The following GNL3L variants were observed in gnomAD, a reference collection of about 807,000 sequenced individuals.
GNL3L encodes the protein guanine nucleotide-binding protein-like 3-like protein.
A neutral mutation model predicts 42.9 loss-of-function variants in GNL3L; 4 were observed. The ratio of observed to expected loss-of-function variants is 0.09; its 90% confidence interval spans 0.05 to 0.21. The LOEUF (loss-of-function observed/expected upper bound fraction) is 0.21, where lower values mean the gene tolerates loss of function less well. GNL3L is among the 10% of genes least tolerant of loss of function. The probability of loss-of-function intolerance (pLI) is 1.00; values close to 1 mark genes in which losing one functional copy is unlikely to be tolerated. For synonymous variants in GNL3L, 159 were observed against 176.3 expected, an observed-to-expected ratio of 0.90 and a Z score of 0.78; for missense variants, 412 against 481.7, an observed-to-expected ratio of 0.86 and a Z score of 1.36.
downstream of GNL3L, among the ~76,000 whole-genome samples, chrX:54,570,637 T>G (rs1234132397): frequency 1.8e-5 from 2 of 111,020 alleles, no homozygotes; most frequent in Admixed American, 1.9e-4. Flanking sequence ...TCCCTTTTTC[T>G]GCCTTCTTTT....
At chrX:54,638,285 G>A in the GNL3L span, among the ~76,000 whole-genome samples, 3 of 111,115 alleles carry the variant, frequency 2.7e-5, no homozygotes, top group South Asian at 3.8e-4. Context: ...AATATACAGC[G>A]AATTAGACAC....
At position 54,548,279 on chromosome X, in the gene GNL3L, C is replaced by A. The variant is rs1409425449; in HGVS notation, c.681C>A (p.Ser227Arg). The change falls in exon 9 of 16, where the codon AGC becomes AGA. Residue 227 changes from serine (S) to arginine (R), a missense_variant. Ser to Arg is a moderately radical substitution (Grantham distance 110). Transcript: ENST00000360845. ...AGGCCTCTGAGTCACTGCTGAAAAGCAAAGCCTGCTTTGGAGCTGAAAACC... is the reference window on the plus strand; with the variant it reads ...AGGCCTCTGAGTCACTGCTGAAAAGAAAAGCCTGCTTTGGAGCTGAAAACC... The part of the protein sequence containing the change: ...VDQASESLLK[S>R]KACFGAENLM... The A allele has an allele frequency of 1.7e-6, 2 of 1,201,592 alleles. No individual in the cohort carries two copies. Among genetic ancestry groups the A allele is most frequent in the African/African-American group, 3.5e-5 (2 of 56,861 alleles).
intron 8 of GNL3L, among the ~76,000 whole-genome samples, chrX:54,546,669 G>A (rs1015571910): frequency 9.0e-6 from 1 of 111,419 alleles, no homozygotes; most frequent in African/African-American, 3.3e-5. Context: ...TTGTTGAGAT[G>A]GAGTTTCACT....
the GNL3L span, among the ~76,000 whole-genome samples, chrX:54,643,209 C>T: frequency 1.8e-5 from 2 of 111,354 alleles, no homozygotes; most frequent in Non-Finnish European, 3.8e-5. Flanking sequence ...TATGGAGTTA[C>T]CAGAATTTAT....
chrX:54,560,136 G>C (rs781423346), intron 15 of GNL3L, among the ~76,000 whole-genome samples: 1 of 111,239 alleles, frequency 9.0e-6, no homozygotes, highest in African/African-American at 3.3e-5. Context: ...CGTGGTGAAC[G>C]TTCAGGCTTA....
chrX:54,549,439 C>G (rs905466464), intron 9 of GNL3L, among the ~76,000 whole-genome samples: 3 of 112,318 alleles, frequency 2.7e-5, no homozygotes, highest in African/African-American at 9.7e-5. Context: ...TCATTCATGC[C>G]TGTAGCCCCA....
the GNL3L span, among the ~76,000 whole-genome samples, chrX:54,633,137 A>G: frequency 1.4e-3 from 154 of 111,795 alleles, no homozygotes; most frequent in Non-Finnish European, 6.6e-4. Flanking sequence ...AGCACCTGCT[A>G]CAAGTGGAGG....
intron 8 of GNL3L, among the ~76,000 whole-genome samples, chrX:54,545,514 G>A (rs952704329): frequency 9.0e-6 from 1 of 111,301 alleles, no homozygotes; most frequent in Non-Finnish European, 1.9e-5. Context: ...CCAACTACTT[G>A]TTAACTTTAA....
At chrX:54,575,886 G>T (rs894069362) in intron 16 of GNL3L, among the ~76,000 whole-genome samples, 5 of 112,133 alleles carry the variant, frequency 4.5e-5, no homozygotes, top group African/African-American at 1.6e-4. Context: ...CTCCAGCCTG[G>T]GCAACAAGAG....
chrX:54,632,587 G>A, the GNL3L span, among the ~76,000 whole-genome samples: 78 of 110,433 alleles, frequency 7.1e-4, no homozygotes, highest in Middle Eastern at 4.7e-3. Flanking sequence ...TCATTTCATC[G>A]AATGTGTCTT....
chrX:54,558,086 G>A (rs1327816034), intron 14 of GNL3L, among the ~76,000 whole-genome samples: 2 of 110,557 alleles, frequency 1.8e-5, no homozygotes, highest in African/African-American at 6.6e-5. Flanking sequence ...GTTTCATCGT[G>A]TTGGCCAGGA....
chrX:54,590,793 GATTTATTT>G (rs752558764), intron 16 of GNL3L, among the ~76,000 whole-genome samples: 3 of 109,735 alleles, frequency 2.7e-5, no homozygotes, highest in Non-Finnish European at 3.8e-5. Flanking sequence ...TTAGGTCTTA[GATTTATTT>G]ATTTATTTAT....
At chrX:54,642,602 C>T in the GNL3L span, among the ~76,000 whole-genome samples, 2 of 111,045 alleles carry the variant, frequency 1.8e-5, no homozygotes, top group African/African-American at 6.6e-5. Context: ...AATGCTTTTC[C>T]CCTTGCTTTT....
At chrX:54,543,812 CT>C (rs1924693130) in intron 7 of GNL3L, among the ~76,000 whole-genome samples, 1 of 112,032 alleles carries the variant, frequency 8.9e-6, no homozygotes, top group South Asian at 3.7e-4. Flanking sequence ...TGATAAAATG[CT>C]TGGTACATGG....
At chrX:54,541,997 C>T (rs1347310870) in intron 5 of GNL3L, among the ~76,000 whole-genome samples, 2 of 111,715 alleles carry the variant, frequency 1.8e-5, no homozygotes, top group Admixed American at 9.5e-5. Context: ...CACATAGGCG[C>T]ACACATGAAC....
At chrX:54,596,766 GAC>G (rs767202157) in intron 16 of GNL3L, among the ~76,000 whole-genome samples, 2 of 111,888 alleles carry the variant, frequency 1.8e-5, no homozygotes, top group Non-Finnish European at 3.8e-5. Flanking sequence ...CAAACCACGA[GAC>G]ACAGTCCTTC....
At chrX:54,634,540 G>A in the GNL3L span, among the ~76,000 whole-genome samples, 53 of 109,058 alleles carry the variant, frequency 4.9e-4, no homozygotes, top group African/African-American at 1.7e-3. Flanking sequence ...GCGCAGTGGC[G>A]TGATCTCGGC....
At chrX:54,609,011 T>C (rs1264655696) in intron 16 of GNL3L, among the ~76,000 whole-genome samples, 1 of 111,649 alleles carries the variant, frequency 9.0e-6, no homozygotes, top group African/African-American at 3.3e-5. Context: ...TCCACACCAA[T>C]ATCTACTGTT....
intron 16 of GNL3L, among the ~76,000 whole-genome samples, chrX:54,611,844 A>G (rs193212483): frequency 8.9e-6 from 1 of 112,171 alleles, no homozygotes; most frequent in African/African-American, 3.2e-5. Context: ...GGCCTATCGT[A>G]TGGTCTACCT....
Sources: gnomAD v4.1 joint callset for allele counts (sites outside exome capture counted in the v4.1 genomes callset) on GRCh38, gnomAD v4.1.1 for gene constraint, MANE v1.5 for transcripts, NCBI Gene and HGNC (gene_info 2026-07-23, HGNC 2026-07-21) for gene names.